LAMB3: variants seen among roughly 807,000 people sequenced by gnomAD.
LAMB3 encodes the protein laminin subunit beta-3.
LAMB3 carries 104 observed loss-of-function variants against 140.3 expected under a neutral mutation model. That is an observed-to-expected ratio of 0.74 (90% CI 0.63 to 0.87). LAMB3 has a LOEUF of 0.87. LAMB3 is among the 40% of genes least tolerant of loss of function. The probability of loss-of-function intolerance (pLI) is 0.00; values close to 1 mark genes in which losing one functional copy is unlikely to be tolerated. For synonymous variants in LAMB3, 592 were observed against 602.9 expected (o/e 0.98, Z 0.26); for missense variants, 1,531 against 1,575.2 (o/e 0.97, Z 0.47).
Position 209,632,620 on chromosome 1 carries a change from T to TTGGGTGCGCAGCGATCAG in LAMB3, c.767_784dup (p.Pro261_Lys262insThrAspArgCysAlaPro). Reference sequence around the variant, plus strand: ...GGAGGGGCCTGCAGAGGCCCCAGGCTTGGGTGCGCAGCGATCAGCATGGCC... The same window carrying TTGGGTGCGCAGCGATCAG: ...GGAGGGGCCTGCAGAGGCCCCAGGCTTGGGTGCGCAGCGATCAGTGGGTGCGCAGCGATCAGCATGGCC... On this transcript the variant is annotated inframe_insertion, in exon 8 of 23. Coordinates refer to ENST00000356082, the MANE Select transcript of LAMB3 (RefSeq NM_000228.3). 6.2e-7 allele frequency: 1 copy of TTGGGTGCGCAGCGATCAG among 1,614,038 alleles called. No individual in the cohort carries two copies. The highest frequency in any genetic ancestry group is 8.5e-7 in the Non-Finnish European group (1 of 1,179,940).
Position 209,623,296 on chromosome 1 carries a change from G to T in LAMB3, c.2359-117C>A. ...CCATGACAACCAAGCACCAGAAACA[G>T]CCAGACATCTCCATGAGAGCTAAGG... On this transcript the variant is annotated intron_variant, in intron 16 of 22. Transcript: ENST00000356082. The surrounding 1 kb of genome is among the most constrained non-coding windows in gnomAD (Gnocchi z 4.2). 8.9e-7 allele frequency: 1 copy of T among 1,122,946 alleles called. No individual in the cohort carries two copies. Among genetic ancestry groups the T allele is most frequent in the Non-Finnish European group, 1.3e-6 (1 of 752,666 alleles). 69.6% of individuals were successfully genotyped at this position (1,122,946 alleles called of 1,614,324 possible). A position where few individuals can be genotyped will look rare whatever the true frequency, so the allele number is the denominator to read the frequency against.
intron 12 of LAMB3, 135 bp from the exon 13 acceptor site, chr1:209,627,113 C>A: frequency 3.9e-6 from 3 of 774,552 alleles, no homozygotes; most frequent in Non-Finnish European, 4.5e-6. Context: ...CTGCTGTGCC[C>A]ACAAAACAAG....
chr1:209,624,109 GGGCAAAGGCAACAGAACAGAGAATCCACA>G (rs1666328419), intron 14 of LAMB3, 109 bp from the exon 15 acceptor site: 1 of 938,362 alleles, frequency 1.1e-6, no homozygotes, highest in African/African-American at 1.7e-5. Flanking sequence ...CAGAGACCTT[GGGCAAAGGCAACAGAACAGAGAATCCACA>G]GGCTAAGGGG....
At chr1:209,627,000 A>G (rs1558154805) in intron 12 of LAMB3, 22 bp from the exon 13 acceptor site, 3 of 1,530,734 alleles carry the variant, frequency 2.0e-6, no homozygotes, top group Non-Finnish European at 2.7e-6. Flanking sequence ...GAGCACCGTC[A>G]GTGGACCCTG....
Position 209,625,686 on chromosome 1 carries a change from C to T in LAMB3, c.1938G>A (p.Gln646=). Residue 646 remains glutamine (Q), a synonymous_variant, in exon 14 of 23, where the codon CAG becomes CAA. Transcript: ENST00000356082. The part of the protein sequence containing the change: ...AVLSSPAVTE[Q]EVAQVASAIL... The stretch of plus-strand genomic sequence containing the variant: ...TGGCACTGGCCACCTGAGCCACCTC[C>T]TGCTCTGTGACTGCGGGGCTGCTGA... The T allele has an allele frequency of 6.2e-7, 1 of 1,614,140 alleles. No individual in the cohort carries two copies. Among genetic ancestry groups the T allele is most frequent in the Non-Finnish European group, 8.5e-7 (1 of 1,180,032 alleles).
At position 209,615,397 on chromosome 1, in the gene LAMB3, C is replaced by A; in HGVS notation, c.3393G>T (p.Leu1131Phe). ...TGGCCTGGCTGCCCCGCAGCAGCTC[C>A]AACTCCATGTCTGAGGCAAATGGAA... ...EMMDRMKDME[L>F]ELLRGSQAIM... is the part of the protein sequence containing the mutation. The change falls in exon 23 of 23, where the codon TTG becomes TTT. Residue 1131 changes from leucine to phenylalanine, a missense_variant. Leu to Phe is a conservative substitution (Grantham distance 22, BLOSUM62 0). Transcript: ENST00000356082. 6.2e-7 allele frequency: 1 copy of A among 1,602,216 alleles called. No homozygotes were observed. The highest frequency in any genetic ancestry group is 1.1e-5 in the South Asian group (1 of 90,386).
intron 10 of LAMB3, 46 bp downstream of exon 10, chr1:209,629,691 G>T: frequency 6.4e-7 from 1 of 1,561,892 alleles, no homozygotes; most frequent in South Asian, 1.1e-5. Flanking sequence ...AGGAGATGGG[G>T]AGTAACAGAC....
At chr1:209,635,513 A>G (rs1393160000) in intron 5 of LAMB3, among the ~76,000 whole-genome samples, 2 of 151,936 alleles carry the variant, frequency 1.3e-5, no homozygotes, top group African/African-American at 4.8e-5. Context: ...AGCGATTCTC[A>G]TGTCTCAGCC....
intron 12 of LAMB3, 69 bp downstream of exon 12, chr1:209,627,314 C>T: frequency 7.8e-7 from 1 of 1,287,898 alleles, no homozygotes; most frequent in Non-Finnish European, 1.1e-6. Flanking sequence ...CATGGAGGGG[C>T]AGCAGAGAGG....
intron 14 of LAMB3, 45 bp downstream of exon 14, chr1:209,625,603 C>G: frequency 6.2e-7 from 1 of 1,613,156 alleles, no homozygotes; most frequent in Non-Finnish European, 8.5e-7. Context: ...ACTGGAACCC[C>G]TGGAGCATAA....
At chr1:209,619,779 T>C (rs1666122164) in intron 18 of LAMB3, among the ~76,000 whole-genome samples, 1 of 152,150 alleles carries the variant, frequency 6.6e-6, no homozygotes, top group African/African-American at 2.4e-5. Context: ...ACTCTACAAC[T>C]AGAGGATACT....
chr1:209,616,654 T>C (rs1452126208), intron 21 of LAMB3, 30 bp from the exon 22 acceptor site: 8 of 1,611,944 alleles, frequency 5.0e-6, no homozygotes, highest in Non-Finnish European at 6.8e-6. Flanking sequence ...CTCAGTGTCA[T>C]TGTCATCATG....
At chr1:209,618,723 C>G in intron 18 of LAMB3, 64 bp from the exon 19 acceptor site, 1 of 1,497,114 alleles carries the variant, frequency 6.7e-7, no homozygotes, top group Non-Finnish European at 9.2e-7. Context: ...CGAGGCCTCT[C>G]CTAGCTGAGC....
chr1:209,641,209 G>C (rs1188164685), intron 3 of LAMB3, among the ~76,000 whole-genome samples: 2 of 151,912 alleles, frequency 1.3e-5, no homozygotes, highest in African/African-American at 2.4e-5. Flanking sequence ...ATTTGCATTA[G>C]CATTATTACT....
In LAMB3 at chr1:209,650,088, G is replaced by A. The variant is rs1425528140; in HGVS notation, c.59C>T (p.Ala20Val). ...TGGATAGCAGGCCCCACGGGAGCAG[G>A]CTTGTTGGGCATGCAGGAGGCCAGG... is the stretch of plus-strand genomic sequence containing the variant. Reference protein sequence around the residue: ...ALPGLLHAQQACSRGACYPPV... With the variant: ...ALPGLLHAQQVCSRGACYPPV... Residue 20 changes from alanine (A) to valine (V), a missense_variant, in exon 3 of 23, where the codon GCC becomes GTC. Coordinates refer to ENST00000356082, the MANE Select transcript of LAMB3 (RefSeq NM_000228.3). 1.9e-6 allele frequency: 3 copies of A among 1,613,908 alleles called. No individual in the cohort carries two copies. Among genetic ancestry groups the A allele is most frequent in the East Asian group, 2.2e-5 (1 of 44,882 alleles).
At chr1:209,645,722 G>GGAAAAA (rs113874240) in intron 3 of LAMB3, among the ~76,000 whole-genome samples, 1 of 137,408 alleles carries the variant, frequency 7.3e-6, no homozygotes. Flanking sequence ...TGTCCCAGGG[G>GGAAAAA]AAAAAAAAAA....
intron 21 of LAMB3, 42 bp from the exon 22 acceptor site, chr1:209,616,666 A>C: frequency 6.2e-7 from 1 of 1,602,904 alleles, no homozygotes; most frequent in Non-Finnish European, 8.5e-7. Context: ...GTCATCATGC[A>C]AGGTCCTAAA....
At chr1:209,634,748 TG>T in intron 5 of LAMB3, 110 bp from the exon 6 acceptor site, 1 of 842,656 alleles carries the variant, frequency 1.2e-6, no homozygotes, top group Non-Finnish European at 1.9e-6. Context: ...GGGGGCCCAG[TG>T]GGAGCAAGTG....
At chr1:209,638,094 T>C (rs1666951462) in intron 4 of LAMB3, 113 bp from the exon 5 acceptor site, 1 of 844,638 alleles carries the variant, frequency 1.2e-6, no homozygotes, top group Non-Finnish European at 1.9e-6. Context: ...TAACCTTGAT[T>C]TTCCAAACTC....
Sources: allele counts gnomAD v4.1 joint callset (sites outside exome capture counted in the v4.1 genomes callset), GRCh38; gene constraint gnomAD v4.1.1; non-coding constraint Gnocchi (gnomAD v3.1); transcripts MANE v1.5; gene names NCBI Gene and HGNC (gene_info 2026-07-23, HGNC 2026-07-21).